The following NOVA2 variants were observed in gnomAD, a reference collection of about 807,000 sequenced individuals.
NOVA2 encodes NOVA alternative splicing regulator 2.
A neutral mutation model predicts 22.5 loss-of-function variants in NOVA2; 9 were observed. That is an observed-to-expected ratio of 0.40 (90% confidence interval 0.24 to 0.70). The LOEUF is 0.70. Among genes scored for constraint, NOVA2 ranks in the 30% least tolerant of loss-of-function variants. The probability of loss-of-function intolerance (pLI) is 0.38; values close to 1 mark genes in which losing one functional copy is unlikely to be tolerated. For synonymous variants in NOVA2, 318 were observed against 335.2 expected, an observed-to-expected ratio of 0.95 and a Z score of 0.56; for missense variants, 383 against 682.8, an observed-to-expected ratio of 0.56 and a Z score of 4.89.
intron 2 of NOVA2, among the ~76,000 whole-genome samples, chr19:45,954,855 GGTGTGTGTGTGTGT>G (rs10598680): frequency 2.1e-5 from 3 of 144,696 alleles, no homozygotes; most frequent in Non-Finnish European, 3.0e-5. Flanking sequence ...GCTGGTGAGT[GGTGTGTGTGTGTGT>G]GTGTGTGTGT....
intron 2 of NOVA2, among the ~76,000 whole-genome samples, chr19:45,959,252 C>T (rs571742628): frequency 1.3e-5 from 2 of 152,076 alleles, no homozygotes; most frequent in African/African-American, 4.8e-5. Context: ...TGTCCTGCTT[C>T]TCTGAGTCAG....
intron 2 of NOVA2, among the ~76,000 whole-genome samples, chr19:45,958,353 C>CTGTG (rs572028267): frequency 1.0e-3 from 149 of 145,964 alleles, no homozygotes; most frequent in Middle Eastern, 3.5e-3. Flanking sequence ...CACCCAAGTG[C>CTGTG]TGTGTGTGTG....
intron 2 of NOVA2, among the ~76,000 whole-genome samples, chr19:45,958,061 G>A (rs540453516): frequency 5.6e-5 from 8 of 143,926 alleles, no homozygotes; most frequent in African/African-American, 1.3e-4. Context: ...GCAGTGAGCC[G>A]AGATCACGCC....
intron 3 of NOVA2, among the ~76,000 whole-genome samples, chr19:45,949,340 A>C (rs900665485): frequency 1.3e-4 from 14 of 107,958 alleles, no homozygotes; most frequent in African/African-American, 2.0e-4. Context: ...AAAAAAAAAA[A>C]CACCAGGAAA....
At chr19:45,966,808 C>T (rs1469047312) in intron 1 of NOVA2, among the ~76,000 whole-genome samples, 3 of 152,076 alleles carry the variant, frequency 2.0e-5, no homozygotes, top group Non-Finnish European at 4.4e-5. Flanking sequence ...ACCCGGGAGG[C>T]GGAGGTTGCA....
chr19:45,952,185 G>C (rs1402310550), intron 3 of NOVA2, among the ~76,000 whole-genome samples: 4 of 152,172 alleles, frequency 2.6e-5, no homozygotes, highest in Non-Finnish European at 5.9e-5. Flanking sequence ...AATAACAACA[G>C]AGAACATTTT....
At chr19:45,949,307 C>A (rs1286160077) in intron 3 of NOVA2, among the ~76,000 whole-genome samples, 1 of 126,374 alleles carries the variant, frequency 7.9e-6, no homozygotes, top group African/African-American at 3.1e-5. Flanking sequence ...TATAGCTCAA[C>A]AGAGCTGTTA....
At chr19:45,965,687 G>A (rs1416812559) in intron 1 of NOVA2, among the ~76,000 whole-genome samples, 1 of 151,722 alleles carries the variant, frequency 6.6e-6, no homozygotes, top group Non-Finnish European at 1.5e-5. Flanking sequence ...CTGAGATCGC[G>A]TCACTGCACT....
chr19:45,937,580 A>G lies in NOVA2; in HGVS notation c.*2283T>C, dbSNP rs1307986574. The G allele has an allele frequency of 6.6e-6, 1 of 152,164 alleles. No homozygotes were observed. Among genetic ancestry groups the G allele is most frequent in the Non-Finnish European group, 1.5e-5 (1 of 68,044 alleles). The allele number at this position is 152,164 out of a possible 1,614,324, so 9.4% of individuals were successfully genotyped here. ...CAAGAGCCCCCAACGGTAGTAGAAG[A>G]TATGTACAAAGTTACATCAAGAATT... On this transcript the variant is annotated 3_prime_UTR_variant, in exon 4 of 4. Coordinates refer to ENST00000263257, the MANE Select transcript of NOVA2 (RefSeq NM_002516.4).
intron 1 of NOVA2, chr19:45,967,433 A>G (rs574447720): frequency 2.0e-5 from 3 of 152,154 alleles, no homozygotes; most frequent in East Asian, 1.9e-4. Flanking sequence ...CAGAATCTAC[A>G]TGCCAGAACT....
chr19:45,965,264 C>T (rs1399600104), intron 1 of NOVA2, among the ~76,000 whole-genome samples: 1 of 152,208 alleles, frequency 6.6e-6, no homozygotes, highest in Non-Finnish European at 1.5e-5. Flanking sequence ...CCCATCTTCT[C>T]TCCCAGCCAG....
At chr19:45,953,643 C>T in intron 3 of NOVA2, 137 bp downstream of exon 3, 1 of 1,047,544 alleles carries the variant, frequency 9.5e-7, no homozygotes, top group Non-Finnish European at 1.4e-6. Flanking sequence ...ATACTAACCA[C>T]TACCATGTGG....
Position 45,973,750 on chromosome 19 carries a change from G to C in NOVA2, c.-399C>G, listed in dbSNP as rs1968267978. Among the ~76,000 whole-genome samples the C allele has an allele frequency of 6.6e-6, 1 of 151,298 alleles. No homozygotes were observed. The highest frequency in any genetic ancestry group is 1.5e-5 in the Non-Finnish European group (1 of 67,712). On this transcript the variant is annotated 5_prime_UTR_variant, in exon 1 of 4. Coordinates refer to ENST00000263257, the MANE Select transcript of NOVA2 (RefSeq NM_002516.4). ...CGAGGGGGGTCTCCGATAGGGCCGG[G>C]AAAGAACTGAGAGGTGGGGTCTCTC...
At chr19:45,952,864 G>A (rs1334735147) in intron 3 of NOVA2, among the ~76,000 whole-genome samples, 2 of 152,222 alleles carry the variant, frequency 1.3e-5, no homozygotes, top group Non-Finnish European at 2.9e-5. Flanking sequence ...ACTCAGGCCT[G>A]TGCTCTGCCC....
At position 45,938,761 on chromosome 19, in the gene NOVA2, C is replaced by A. The variant is rs1967695554; in HGVS notation, c.*1102G>T. ...TCCTAGGAAGACCCCCAGGCCAACACCCACCAAAGAAGGGTGTGGAGGGAG... is the reference window on the plus strand; with the variant it reads ...TCCTAGGAAGACCCCCAGGCCAACAACCACCAAAGAAGGGTGTGGAGGGAG... On this transcript the variant is annotated 3_prime_UTR_variant, in exon 4 of 4. Coordinates refer to ENST00000263257, the MANE Select transcript of NOVA2 (RefSeq NM_002516.4). 1 of 152,204 alleles carries A rather than the reference C, an allele frequency of 6.6e-6. No individual in the cohort carries two copies. The highest frequency in any genetic ancestry group is 1.5e-5 in the Non-Finnish European group (1 of 68,040). 9.4% of individuals were successfully genotyped at this position (152,204 alleles called of 1,614,324 possible). A position where few individuals can be genotyped will look rare whatever the true frequency, so the allele number is the denominator to read the frequency against.
At chr19:45,973,105 G>A in intron 1 of NOVA2, among the ~76,000 whole-genome samples, 162 bp downstream of exon 1, 1 of 149,598 alleles carries the variant, frequency 6.7e-6, no homozygotes, top group Admixed American at 6.6e-5. Context: ...AGGAGGAGGG[G>A]GTCCAGCCCC....
intron 3 of NOVA2, among the ~76,000 whole-genome samples, chr19:45,944,188 C>G (rs1967803468): frequency 6.6e-6 from 1 of 152,120 alleles, no homozygotes; most frequent in South Asian, 2.1e-4. Context: ...CACCTGTAAT[C>G]CCGGCACTTT....
At chr19:45,959,844 AAG>A (rs1968069758) in intron 2 of NOVA2, among the ~76,000 whole-genome samples, 1 of 90,382 alleles carries the variant, frequency 1.1e-5, no homozygotes, top group East Asian at 3.1e-4. Flanking sequence ...GAGAGAGAGA[AAG>A]AGAGAGAGAG....
chr19:45,951,343 G>A (rs1306769611), intron 3 of NOVA2, among the ~76,000 whole-genome samples: 4 of 152,084 alleles, frequency 2.6e-5, no homozygotes, highest in South Asian at 2.1e-4. Context: ...GGGGCCGGGC[G>A]CAGTGTCTCA....
Sources: allele counts gnomAD v4.1 joint callset (sites outside exome capture counted in the v4.1 genomes callset), GRCh38; gene constraint gnomAD v4.1.1; transcripts MANE v1.5; gene names NCBI Gene and HGNC (gene_info 2026-07-23, HGNC 2026-07-21).